The following SFI1 variants were observed in gnomAD, a reference collection of about 807,000 sequenced individuals.
SFI1 encodes the protein protein SFI1 homolog.
A neutral mutation model predicts 207.5 loss-of-function variants in SFI1; 195 were observed. That is an observed-to-expected ratio of 0.94 (90% CI 0.84 to 1.06). The LOEUF is 1.06. SFI1 is among the 50% of genes least tolerant of loss of function. The probability of loss-of-function intolerance (pLI) is 0.00; values close to 1 mark genes in which losing one functional copy is unlikely to be tolerated. For synonymous variants in SFI1, 630 were observed against 598.9 expected, an observed-to-expected ratio of 1.05 and a Z score of -0.76; for missense variants, 1,634 against 1,588.0, an observed-to-expected ratio of 1.03 and a Z score of -0.49.
chr22:31,537,657 A>C (rs2059119811), intron 4 of SFI1, among the ~76,000 whole-genome samples: 1 of 152,168 alleles, frequency 6.6e-6, no homozygotes, highest in African/African-American at 2.4e-5. Context: ...AAAATGATAG[A>C]GTGAGAATAT....
At chr22:31,592,757 G>A (rs1485764129) in intron 15 of SFI1, among the ~76,000 whole-genome samples, 2 of 119,198 alleles carry the variant, frequency 1.7e-5, no homozygotes, top group East Asian at 2.7e-4. Context: ...AGGGGCGGCC[G>A]GGCAGAGGCG....
At chr22:31,562,983 TTA>T (rs56072629) in intron 8 of SFI1, among the ~76,000 whole-genome samples, 39,879 of 142,108 alleles carry the variant, frequency 0.28, 5,993 homozygotes, top group East Asian at 0.5. Context: ...TCATCATCTT[TTA>T]TATATATATA....
At chr22:31,578,603 T>G (rs2063766660) in intron 11 of SFI1, 151 bp downstream of exon 11, 2 of 624,592 alleles carry the variant, frequency 3.2e-6, no homozygotes, top group East Asian at 5.8e-5. Flanking sequence ...TGGGTGTCCT[T>G]CTTTTCATTT....
chr22:31,518,295 C>G (rs565891209), intron 2 of SFI1, among the ~76,000 whole-genome samples: 1 of 152,194 alleles, frequency 6.6e-6, no homozygotes, highest in African/African-American at 2.4e-5. Context: ...GTGCCCAGCC[C>G]TCTATTGTGG....
intron 4 of SFI1, among the ~76,000 whole-genome samples, chr22:31,536,953 T>C (rs887362387): frequency 1.3e-5 from 2 of 151,998 alleles, no homozygotes; most frequent in African/African-American, 4.8e-5. Flanking sequence ...TCTCACTATG[T>C]TTTCCAGGCT....
chr22:31,496,946 G>A (rs539798279), intron 1 of SFI1, among the ~76,000 whole-genome samples: 91 of 152,354 alleles, frequency 6.0e-4, no homozygotes, highest in African/African-American at 2.2e-3. Context: ...CTCCTGGCCG[G>A]TGCTCGAGTC....
chr22:31,588,342 C>T (rs550591087), intron 14 of SFI1, among the ~76,000 whole-genome samples: 1 of 152,302 alleles, frequency 6.6e-6, no homozygotes, highest in South Asian at 2.1e-4. Context: ...ATGAGTGTTC[C>T]AGTGAACAAG....
At chr22:31,501,175 CTT>C (rs773631022) in intron 1 of SFI1, among the ~76,000 whole-genome samples, 3 of 139,026 alleles carry the variant, frequency 2.2e-5, no homozygotes, top group African/African-American at 2.6e-5. Context: ...GTAGACATAA[CTT>C]TTTTTTTTTT....
At chr22:31,560,201 G>C (rs1040754746) in intron 7 of SFI1, among the ~76,000 whole-genome samples, 1 of 151,834 alleles carries the variant, frequency 6.6e-6, no homozygotes, top group Admixed American at 6.6e-5. Flanking sequence ...GTAAAGCACA[G>C]GTTGTAAACT....
At chr22:31,530,802 T>G in intron 3 of SFI1, 1 of 492,312 alleles carries the variant, frequency 2.0e-6, no homozygotes, top group African/African-American at 1.9e-5. Flanking sequence ...CTGTACCTCA[T>G]TTTTGAAGTT....
intron 4 of SFI1, among the ~76,000 whole-genome samples, chr22:31,537,811 C>G (rs978776039): frequency 7.2e-5 from 11 of 152,084 alleles, no homozygotes; most frequent in African/African-American, 2.7e-4. Flanking sequence ...TTCTTTGTTA[C>G]TTGGGGGAAC....
intron 5 of SFI1, among the ~76,000 whole-genome samples, chr22:31,548,059 CA>C (rs1462213651): frequency 1.3e-5 from 2 of 151,198 alleles, no homozygotes; most frequent in Non-Finnish European, 3.0e-5. Flanking sequence ...CTAAAAAATA[CA>C]AAAAACAAAA....
At chr22:31,523,012 C>T (rs1232544049) in intron 2 of SFI1, among the ~76,000 whole-genome samples, 1 of 152,122 alleles carries the variant, frequency 6.6e-6, no homozygotes, top group Non-Finnish European at 1.5e-5. Flanking sequence ...TTTTTTAAAT[C>T]CATTATCAGT....
At chr22:31,528,935 A>G in intron 3 of SFI1, 72 bp downstream of exon 3, 3 of 1,442,708 alleles carry the variant, frequency 2.1e-6, no homozygotes, top group African/African-American at 1.4e-5. Context: ...AAATGGGGGA[A>G]TGATTCTTAT....
chr22:31,497,707 TG>T (rs775464006), intron 1 of SFI1, among the ~76,000 whole-genome samples: 46 of 151,968 alleles, frequency 3.0e-4, no homozygotes, highest in Non-Finnish European at 6.0e-4. Context: ...GCCTATGCTC[TG>T]TAAATGCAAC....
At chr22:31,598,534 C>G (rs1388692976) in intron 15 of SFI1, among the ~76,000 whole-genome samples, 1 of 151,582 alleles carries the variant, frequency 6.6e-6, no homozygotes, top group African/African-American at 2.4e-5. Flanking sequence ...ATTCTCCTGC[C>G]TCAGCCTCCC....
intron 1 of SFI1, chr22:31,497,380 T>A (rs979087103): frequency 2.0e-5 from 3 of 152,224 alleles, no homozygotes; most frequent in African/African-American, 7.2e-5. Flanking sequence ...ACTTTTTATT[T>A]CAGGTGCACC....
At chr22:31,602,362 TC>T in intron 16 of SFI1, 69 bp downstream of exon 16, 1 of 1,476,576 alleles carries the variant, frequency 6.8e-7, no homozygotes, top group Non-Finnish European at 9.4e-7. Context: ...ACTCACGGCC[TC>T]CCCTCCTCAG....
At chr22:31,577,904 A>T (rs2063701060) in intron 10 of SFI1, 1 of 152,910 alleles carries the variant, frequency 6.5e-6, no homozygotes, top group Admixed American at 6.5e-5. Flanking sequence ...ACAGAAGAGC[A>T]GAAGGGGATG....
Sources: allele counts gnomAD v4.1 joint callset (sites outside exome capture counted in the v4.1 genomes callset), GRCh38; gene constraint gnomAD v4.1.1; transcripts MANE v1.5; gene names NCBI Gene and HGNC (gene_info 2026-07-23, HGNC 2026-07-21).